Variants in STK32B observed in about 807,000 individuals in gnomAD.
The protein encoded by STK32B is serine/threonine kinase 32B.
A neutral mutation model predicts 52.6 loss-of-function variants in STK32B; 43 were observed. That is an observed-to-expected ratio of 0.82 (90% confidence interval 0.64 to 1.05). The LOEUF is 1.05. Among genes scored for constraint, STK32B ranks in the 50% least tolerant of loss-of-function variants. The pLI is 0.00. For synonymous variants in STK32B, 238 were observed against 204.3 expected (o/e 1.17, Z -1.41); for missense variants, 621 against 534.6 (o/e 1.16, Z -1.59).
chr4:5,414,373 A>C (rs376980356), intron 5 of STK32B, among the ~76,000 whole-genome samples: 1 of 151,936 alleles, frequency 6.6e-6, no homozygotes, highest in African/African-American at 2.4e-5. Context: ...AATCAAATAC[A>C]TTAATATTTC....
intron 11 of STK32B, among the ~76,000 whole-genome samples, chr4:5,498,456 T>G (rs1720468939): frequency 6.6e-6 from 1 of 152,194 alleles, no homozygotes; most frequent in African/African-American, 2.4e-5. Flanking sequence ...CTTTTGTCAT[T>G]GAGCTCCTTG....
At chr4:5,109,930 A>T (rs1269822772) in intron 1 of STK32B, among the ~76,000 whole-genome samples, 1 of 152,178 alleles carries the variant, frequency 6.6e-6, no homozygotes, top group East Asian at 1.9e-4. Flanking sequence ...TCAGGATACA[A>T]AATTAATGTA....
At chr4:5,099,447 T>TGTGTGCGC (rs138831964) in intron 1 of STK32B, among the ~76,000 whole-genome samples, 5 of 80,636 alleles carry the variant, frequency 6.2e-5, no homozygotes, top group Non-Finnish European at 1.3e-4. Flanking sequence ...TGTGTGTGTG[T>TGTGTGCGC]GTGCGCGCGC....
At chr4:5,363,402 G>A (rs562371730) in intron 4 of STK32B, among the ~76,000 whole-genome samples, 48 of 152,292 alleles carry the variant, frequency 3.2e-4, no homozygotes, top group African/African-American at 1.1e-3. Flanking sequence ...TCCAGGGTTG[G>A]CACCAGATCC....
chr4:5,059,001 T>G (rs1742113648), intron 1 of STK32B, among the ~76,000 whole-genome samples: 2 of 147,454 alleles, frequency 1.4e-5, no homozygotes, highest in South Asian at 2.2e-4. Flanking sequence ...TCTGCCCACC[T>G]TGGCCTCCCA....
chr4:5,273,848 G>C (rs1392125075), intron 3 of STK32B, among the ~76,000 whole-genome samples: 1 of 123,238 alleles, frequency 8.1e-6, no homozygotes, highest in African/African-American at 3.1e-5. Context: ...GTGGTGGGTG[G>C]GGGGAGGGGG....
the STK32B span, among the ~76,000 whole-genome samples, chr4:5,036,857 G>T: frequency 1.3e-5 from 2 of 151,528 alleles, no homozygotes; most frequent in Admixed American, 6.6e-5. Context: ...TAGTAGAGAC[G>T]GGGTTTCACC....
chr4:5,144,592 G>A (rs1716759834), intron 2 of STK32B, among the ~76,000 whole-genome samples: 1 of 152,144 alleles, frequency 6.6e-6, no homozygotes, highest in African/African-American at 2.4e-5. Flanking sequence ...GATAAATGGT[G>A]GGATAAGGCC....
chr4:5,119,892 A>G (rs924939312), intron 1 of STK32B, among the ~76,000 whole-genome samples: 4 of 152,164 alleles, frequency 2.6e-5, no homozygotes, highest in Admixed American at 6.5e-5. Flanking sequence ...ACATGCATTT[A>G]TTTCAATATG....
At chr4:5,388,634 T>C (rs1471494966) in intron 4 of STK32B, among the ~76,000 whole-genome samples, 1 of 152,170 alleles carries the variant, frequency 6.6e-6, no homozygotes, top group East Asian at 1.9e-4. Context: ...GACTCACGGA[T>C]CTATCATTTC....
At chr4:5,268,311 T>A (rs1727181822) in intron 3 of STK32B, among the ~76,000 whole-genome samples, 1 of 152,156 alleles carries the variant, frequency 6.6e-6, no homozygotes, top group Non-Finnish European at 1.5e-5. Flanking sequence ...ATACTGCAAA[T>A]GTGCTAAGCT....
At chr4:5,362,256 G>A (rs1316784021) in intron 4 of STK32B, among the ~76,000 whole-genome samples, 4 of 152,174 alleles carry the variant, frequency 2.6e-5, no homozygotes. Flanking sequence ...TAGACAGTCA[G>A]CTAAGCCCCA....
intron 3 of STK32B, among the ~76,000 whole-genome samples, chr4:5,213,302 T>C (rs534832331): frequency 6.6e-6 from 1 of 152,280 alleles, no homozygotes; most frequent in South Asian, 2.1e-4. Flanking sequence ...CTAATGATCA[T>C]TTTGCTTTCA....
intron 9 of STK32B, among the ~76,000 whole-genome samples, chr4:5,462,065 C>G (rs1421445260): frequency 6.6e-6 from 1 of 151,236 alleles, no homozygotes; most frequent in African/African-American, 2.4e-5. Flanking sequence ...ACTGGGAGCT[C>G]TGTGTGCCTG....
intron 1 of STK32B, among the ~76,000 whole-genome samples, chr4:5,075,576 T>C (rs1324021656): frequency 6.6e-6 from 1 of 152,150 alleles, no homozygotes; most frequent in African/African-American, 2.4e-5. Context: ...TTAATATTAG[T>C]TTATCTTTGG....
intron 1 of STK32B, among the ~76,000 whole-genome samples, chr4:5,122,007 G>A (rs1715049610): frequency 6.6e-6 from 1 of 152,220 alleles, no homozygotes; most frequent in South Asian, 2.1e-4. Flanking sequence ...GAGTGATTGT[G>A]TGTTCACAGT....
intron 3 of STK32B, among the ~76,000 whole-genome samples, chr4:5,187,223 C>G (rs1055625040): frequency 1.3e-5 from 2 of 152,178 alleles, no homozygotes; most frequent in African/African-American, 4.8e-5. Flanking sequence ...TTCTCCCGCA[C>G]CACAACACAG....
Position 5,373,744 on chromosome 4 carries a change from C to T in STK32B, c.435-24463C>T, listed in dbSNP as rs116403556. Among the ~76,000 whole-genome samples the T allele has an allele frequency of 2.3e-3, 357 of 152,308 alleles. 1 individual carries two copies. Among genetic ancestry groups the T allele is most frequent in the African/African-American group, 8.2e-3 (341 of 41,568 alleles). On this transcript the variant is annotated intron_variant, in intron 4 of 11. Coordinates refer to ENST00000282908, the MANE Select transcript of STK32B (RefSeq NM_018401.3). ...CCACCGATTTTGTCCCAGATCTTGA[C>T]TGATGCAGTCTTCTCTGCCATTCTC...
intron 3 of STK32B, among the ~76,000 whole-genome samples, chr4:5,264,113 C>G (rs1464909753): frequency 6.6e-6 from 1 of 152,168 alleles, no homozygotes; most frequent in Non-Finnish European, 1.5e-5. Context: ...AATAAGTCTG[C>G]TGTGAACATT....
Sources: allele counts gnomAD v4.1 joint callset (sites outside exome capture counted in the v4.1 genomes callset), GRCh38; gene constraint gnomAD v4.1.1; transcripts MANE v1.5; gene names NCBI Gene and HGNC (gene_info 2026-07-23, HGNC 2026-07-21).